The following DNM3 variants were observed in gnomAD, a reference collection of about 807,000 sequenced individuals.
DNM3 encodes dynamin-3.
Under a neutral mutation model 101.6 loss-of-function variants are expected in DNM3, and 47 were observed. That is an observed-to-expected ratio of 0.46 (90% CI 0.37 to 0.59). The LOEUF is 0.59. Ranked by LOEUF, DNM3 falls within the 20% of genes least tolerant of loss-of-function variation. DNM3 has a pLI of 0.00. For missense variants in DNM3, 849 were observed against 1,085.7 expected (o/e 0.78, Z 3.06); for synonymous variants, 385 against 387.9 (o/e 0.99, Z 0.09).
At chr1:172,320,796 G>A (rs1478296372) in intron 16 of DNM3, among the ~76,000 whole-genome samples, 1 of 152,134 alleles carries the variant, frequency 6.6e-6, no homozygotes, top group Non-Finnish European at 1.5e-5. Context: ...GAGCAGAAAG[G>A]CTGTCGGGAG....
chr1:172,402,915 G>A (rs778332087), intron 20 of DNM3, among the ~76,000 whole-genome samples: 12 of 152,136 alleles, frequency 7.9e-5, no homozygotes, highest in Admixed American at 2.6e-4. Flanking sequence ...ATAAAGCAAA[G>A]TAAAAATCTT....
intron 15 of DNM3, among the ~76,000 whole-genome samples, chr1:172,285,992 T>C (rs1208402928): frequency 6.6e-6 from 1 of 152,064 alleles, no homozygotes; most frequent in African/African-American, 2.4e-5. Flanking sequence ...TTATGCCTTC[T>C]GGGATAAGAT....
At chr1:171,987,921 G>A in intron 3 of DNM3, 116 bp downstream of exon 3, 3 of 979,166 alleles carry the variant, frequency 3.1e-6, no homozygotes, top group Non-Finnish European at 4.2e-6. Context: ...GGTATCCTTT[G>A]GATACTGCCC....
intron 10 of DNM3, among the ~76,000 whole-genome samples, chr1:172,063,196 C>T (rs1437960645): frequency 6.6e-6 from 1 of 152,198 alleles, no homozygotes; most frequent in Non-Finnish European, 1.5e-5. Flanking sequence ...TAACTCCAGT[C>T]TTTGCTAGAG....
At chr1:171,890,801 AAAAAC>A (rs2037201856) in intron 1 of DNM3, among the ~76,000 whole-genome samples, 2 of 152,156 alleles carry the variant, frequency 1.3e-5, no homozygotes, top group African/African-American at 4.8e-5. Context: ...CACAGCAGCA[AAAAAC>A]AAAACAAACA....
chr1:172,341,719 C>G (rs142211942), intron 17 of DNM3, among the ~76,000 whole-genome samples: 31 of 151,942 alleles, frequency 2.0e-4, no homozygotes, highest in Admixed American at 9.2e-4. Flanking sequence ...TCACCATAAA[C>G]GAAAATTAAC....
intron 1 of DNM3, among the ~76,000 whole-genome samples, chr1:171,901,605 T>A (rs900730843): frequency 1.3e-5 from 2 of 152,166 alleles, no homozygotes; most frequent in Non-Finnish European, 2.9e-5. Flanking sequence ...CCAAAAGGAA[T>A]AATAATGCCA....
chr1:172,282,728 T>G (rs769089994), intron 15 of DNM3, among the ~76,000 whole-genome samples: 1 of 152,232 alleles, frequency 6.6e-6, no homozygotes, highest in Non-Finnish European at 1.5e-5. Flanking sequence ...TAAACCACTG[T>G]GATGCTGGGC....
intron 2 of DNM3, among the ~76,000 whole-genome samples, chr1:171,965,367 A>T (rs1173735667): frequency 2.0e-5 from 3 of 149,858 alleles, no homozygotes; most frequent in Non-Finnish European, 4.4e-5. Flanking sequence ...ACATGGCAAG[A>T]CCCTGTGTCT....
At chr1:172,416,321 T>C (rs553894046), downstream of DNM3, among the ~76,000 whole-genome samples, 2 of 152,296 alleles carry the variant, frequency 1.3e-5, no homozygotes, top group South Asian at 2.1e-4. Flanking sequence ...ATAAAAATTA[T>C]GCAAAAGAAA....
intron 1 of DNM3, among the ~76,000 whole-genome samples, chr1:171,911,326 G>A (rs889649662): frequency 1.5e-5 from 2 of 135,178 alleles, no homozygotes; most frequent in African/African-American, 5.7e-5. Flanking sequence ...TGTCACCCAG[G>A]CTGGAGTGCA....
intron 15 of DNM3, among the ~76,000 whole-genome samples, chr1:172,256,581 A>G (rs2062407449): frequency 6.6e-6 from 1 of 151,628 alleles, no homozygotes; most frequent in African/African-American, 2.4e-5. Context: ...ATCTTTTTTT[A>G]TGATCACTCT....
At chr1:172,329,726 GAATT>G (rs1157175647) in intron 17 of DNM3, among the ~76,000 whole-genome samples, 2 of 151,896 alleles carry the variant, frequency 1.3e-5, no homozygotes, top group African/African-American at 4.8e-5. Context: ...TCTCAAAATA[GAATT>G]ATCCCTATTC....
intron 14 of DNM3, among the ~76,000 whole-genome samples, chr1:172,184,184 C>A (rs2059446364): frequency 1.3e-5 from 2 of 152,028 alleles, no homozygotes; most frequent in South Asian, 4.1e-4. Context: ...GATGTTAAAA[C>A]CTACTAAGAA....
intron 14 of DNM3, among the ~76,000 whole-genome samples, chr1:172,252,819 T>A (rs1573146090): frequency 6.6e-6 from 1 of 152,280 alleles, no homozygotes; most frequent in Middle Eastern, 3.4e-3. Flanking sequence ...TTTGGTCGCA[T>A]TTGCAGACCT....
At chr1:172,352,247 A>G (rs1280363766) in intron 17 of DNM3, among the ~76,000 whole-genome samples, 1 of 152,238 alleles carries the variant, frequency 6.6e-6, no homozygotes, top group Non-Finnish European at 1.5e-5. Flanking sequence ...TTGCCTATGA[A>G]GGTAGAGAGA....
chr1:172,254,548 C>T (rs757187927), intron 15 of DNM3, among the ~76,000 whole-genome samples: 1 of 152,110 alleles, frequency 6.6e-6, no homozygotes, highest in Non-Finnish European at 1.5e-5. Context: ...AGCGTAGGCT[C>T]AGGGATGCTA....
intron 14 of DNM3, among the ~76,000 whole-genome samples, chr1:172,252,039 TCTTAA>T (rs2062190443): frequency 6.6e-6 from 1 of 152,160 alleles, no homozygotes; most frequent in Admixed American, 6.6e-5. Context: ...GATAATATAT[TCTTAA>T]CTTTTGTTGT....
At chr1:171,892,622 T>A (rs1423927857) in intron 1 of DNM3, among the ~76,000 whole-genome samples, 2 of 152,216 alleles carry the variant, frequency 1.3e-5, no homozygotes, top group African/African-American at 4.8e-5. Flanking sequence ...ACTTAATTGT[T>A]CATTTATGTA....
Sources: gnomAD v4.1 joint callset for allele counts (sites outside exome capture counted in the v4.1 genomes callset) on GRCh38, gnomAD v4.1.1 for gene constraint, MANE v1.5 for transcripts, NCBI Gene and HGNC (gene_info 2026-07-23, HGNC 2026-07-21) for gene names.